The following FSTL4 variants were observed in gnomAD, a reference collection of about 807,000 sequenced individuals.
The protein encoded by FSTL4 is follistatin-related protein 4.
A neutral mutation model predicts 78.2 loss-of-function variants in FSTL4; 28 were observed. The ratio of observed to expected loss-of-function variants is 0.36; its 90% confidence interval spans 0.27 to 0.49. The LOEUF (loss-of-function observed/expected upper bound fraction) is 0.49, where lower values mean the gene tolerates loss of function less well. Ranked by LOEUF, FSTL4 falls within the 20% of genes least tolerant of loss-of-function variation. The pLI, the probability that FSTL4 is intolerant of heterozygous loss-of-function variation, is 0.98. For synonymous variants in FSTL4, 422 were observed against 440.5 expected, an observed-to-expected ratio of 0.96 and a Z score of 0.53; for missense variants, 922 against 1,084.9, an observed-to-expected ratio of 0.85 and a Z score of 2.11.
the FSTL4 span, among the ~76,000 whole-genome samples, chr5:133,733,147 T>C: frequency 6.6e-6 from 1 of 152,222 alleles, no homozygotes; most frequent in Admixed American, 6.5e-5. Context: ...CTCTGAACTT[T>C]TGTACATAGG....
chr5:133,603,935 G>A lies in FSTL4; in HGVS notation c.49C>T (p.Leu17=), dbSNP rs1760923842. ...WLHLTLLGAS[L]PAALGWMDPG... is the part of the protein sequence containing the mutation. The stretch of plus-strand genomic sequence containing the variant: ...TCCATCCATCCCAGCGCAGCCGGCA[G>A]GGAGGCTCCGAGCAGTGTGAGATGC... The change falls in exon 2 of 16, where the codon CTG becomes TTG. Residue 17 remains leucine (L), a synonymous_variant. Coordinates refer to ENST00000265342, the MANE Select transcript of FSTL4 (RefSeq NM_015082.2). 6.2e-7 allele frequency: 1 copy of A among 1,613,436 alleles called. No homozygotes were observed. The highest frequency in any genetic ancestry group is 8.5e-7 in the Non-Finnish European group (1 of 1,179,446).
intron 3 of FSTL4, among the ~76,000 whole-genome samples, chr5:133,514,308 A>G (rs543545191): frequency 6.6e-6 from 1 of 152,094 alleles, no homozygotes; most frequent in Admixed American, 6.5e-5. Context: ...AAGGCTCGAG[A>G]GAAGAGGATA....
intron 3 of FSTL4, among the ~76,000 whole-genome samples, chr5:133,517,288 T>C (rs1758873303): frequency 6.7e-6 from 1 of 149,418 alleles, no homozygotes; most frequent in Non-Finnish European, 1.5e-5. Flanking sequence ...CTGAGCATAG[T>C]GGCAGGTGCC....
intron 3 of FSTL4, among the ~76,000 whole-genome samples, chr5:133,443,380 C>A (rs557140041): frequency 1.4e-4 from 21 of 152,362 alleles, no homozygotes; most frequent in Non-Finnish European, 2.6e-4. Flanking sequence ...CAAGCTTGAA[C>A]TGAAATTGTC....
At chr5:133,671,287 A>G in the FSTL4 span, among the ~76,000 whole-genome samples, 1 of 152,252 alleles carries the variant, frequency 6.6e-6, no homozygotes, top group South Asian at 2.1e-4. Flanking sequence ...CAAACAATCT[A>G]TGTAAATGCT....
intron 3 of FSTL4, among the ~76,000 whole-genome samples, chr5:133,561,090 AAATAATAAT>A (rs369652665): frequency 0.13 from 17,345 of 131,136 alleles, 1,435 homozygotes; most frequent in Non-Finnish European, 0.18. Context: ...CTCGGACTCA[AAATAATAAT>A]AATAATAATA....
intron 4 of FSTL4, among the ~76,000 whole-genome samples, chr5:133,380,375 A>C (rs61608283): frequency 0.13 from 20,479 of 152,106 alleles, 1,455 homozygotes; most frequent in Non-Finnish European, 0.15. Context: ...TGACTTTACA[A>C]AATAAAAAGG....
chr5:133,670,325 A>T, the FSTL4 span, among the ~76,000 whole-genome samples: 2 of 152,252 alleles, frequency 1.3e-5, no homozygotes, highest in Non-Finnish European at 2.9e-5. Flanking sequence ...TTCTATGGCC[A>T]GAAAACAGGC....
At chr5:133,239,805 G>C (rs1228447283) in intron 7 of FSTL4, among the ~76,000 whole-genome samples, 1 of 152,152 alleles carries the variant, frequency 6.6e-6, no homozygotes, top group Non-Finnish European at 1.5e-5. Context: ...TAATCTAGTG[G>C]GGACCGTGGA....
At chr5:133,342,634 C>T (rs1271506995) in intron 4 of FSTL4, among the ~76,000 whole-genome samples, 2 of 152,162 alleles carry the variant, frequency 1.3e-5, no homozygotes, top group Non-Finnish European at 2.9e-5. Flanking sequence ...GAATCAGATG[C>T]TGCAGGTGAG....
rs1754642793 is a variant in FSTL4 at position 133,343,929 on chromosome 5, A to G, written c.410-27277T>C. On this transcript the variant is annotated intron_variant, in intron 4 of 15. Transcript: ENST00000265342. ...TTATTGATCAACGCTGAACTGCTTT[A>G]ATCATTTCTATGCTAATTCCAGATA... Among the ~76,000 whole-genome samples the G allele has an allele frequency of 2.0e-5, 3 of 152,380 alleles. No homozygotes were observed. In the South Asian group the frequency reaches 6.2e-4, roughly 32 times the overall value.
intron 4 of FSTL4, among the ~76,000 whole-genome samples, chr5:133,348,928 A>G (rs1412475838): frequency 6.6e-6 from 1 of 152,188 alleles, no homozygotes; most frequent in African/African-American, 2.4e-5. Context: ...CGCCTGAACC[A>G]GCAGAACTAG....
At chr5:133,239,396 A>C (rs879267275) in intron 7 of FSTL4, among the ~76,000 whole-genome samples, 1 of 152,244 alleles carries the variant, frequency 6.6e-6, no homozygotes, top group Non-Finnish European at 1.5e-5. Flanking sequence ...CTGGTGCAGG[A>C]TCCACTGGGT....
intron 2 of FSTL4, among the ~76,000 whole-genome samples, chr5:133,573,323 A>T (rs1180177606): frequency 6.6e-6 from 1 of 152,186 alleles, no homozygotes; most frequent in Non-Finnish European, 1.5e-5. Flanking sequence ...TAGAGAAAAC[A>T]ATATCCAACT....
the FSTL4 span, among the ~76,000 whole-genome samples, chr5:133,717,262 GC>G: frequency 2.0e-5 from 3 of 152,212 alleles, no homozygotes; most frequent in Non-Finnish European, 4.4e-5. Flanking sequence ...AATAAAAAGA[GC>G]CCTTATACTC....
At chr5:133,332,834 C>T (rs993801942) in intron 4 of FSTL4, among the ~76,000 whole-genome samples, 4 of 152,284 alleles carry the variant, frequency 2.6e-5, no homozygotes, top group South Asian at 2.1e-4. Context: ...GTTTTTACCA[C>T]GAATGGTGCT....
At chr5:133,300,884 T>TG (rs1753522021) in intron 6 of FSTL4, among the ~76,000 whole-genome samples, 1 of 151,758 alleles carries the variant, frequency 6.6e-6, no homozygotes, top group Admixed American at 6.6e-5. Flanking sequence ...GAATAACAGC[T>TG]CTGCTGCTCG....
chr5:133,494,108 G>A (rs1383439228), intron 3 of FSTL4, among the ~76,000 whole-genome samples: 1 of 152,172 alleles, frequency 6.6e-6, no homozygotes, highest in Non-Finnish European at 1.5e-5. Flanking sequence ...TGACAGCCCT[G>A]TGAGGTAGGT....
In FSTL4 at chr5:133,225,111, A is replaced by G; in HGVS notation, c.1312+39T>C. 1 of 1,613,606 alleles carries G rather than the reference A, an allele frequency of 6.2e-7. No individual in the cohort carries two copies. Among genetic ancestry groups the G allele is most frequent in the Non-Finnish European group, 8.5e-7 (1 of 1,179,710 alleles). ...CCTCCCTTGCCACCCAACACCTCCC[A>G]GCCAGCTCAGTGAGAAGCATAAACG... On this transcript the variant is annotated intron_variant, in intron 10 of 15. Transcript: ENST00000265342. The surrounding 1 kb of genome is among the most constrained non-coding windows in gnomAD (Gnocchi z 4.6).
Sources: allele counts gnomAD v4.1 joint callset (sites outside exome capture counted in the v4.1 genomes callset), GRCh38; gene constraint gnomAD v4.1.1; non-coding constraint Gnocchi (gnomAD v3.1); transcripts MANE v1.5; gene names NCBI Gene and HGNC (gene_info 2026-07-23, HGNC 2026-07-21).